The following ADAM9 variants were observed in gnomAD, a reference collection of about 807,000 sequenced individuals.
ADAM9 encodes the protein disintegrin and metalloproteinase domain-containing protein 9.
In ADAM9, 54 loss-of-function variants were observed where a neutral mutation model predicts 108.1. The observed-to-expected ratio is 0.50, with a 90% confidence interval of 0.40 to 0.63. The LOEUF (loss-of-function observed/expected upper bound fraction) is 0.63. ADAM9 is among the 20% of genes least tolerant of loss of function. The pLI, the probability that ADAM9 is intolerant of heterozygous loss-of-function variation, is 0.00. For missense variants in ADAM9, 830 were observed against 997.7 expected (o/e 0.83, Z 2.26); for synonymous variants, 316 against 336.0 (o/e 0.94, Z 0.65).
intron 11 of ADAM9, among the ~76,000 whole-genome samples, chr8:39,039,206 C>T (rs1837379392): frequency 6.6e-6 from 1 of 152,194 alleles, no homozygotes; most frequent in Non-Finnish European, 1.5e-5. Context: ...CCTGCTGCTA[C>T]TTCTGGTACC....
intron 12 of ADAM9, among the ~76,000 whole-genome samples, chr8:39,050,263 G>T (rs571778326): frequency 7.2e-5 from 11 of 152,136 alleles, no homozygotes; most frequent in African/African-American, 2.4e-4. Context: ...CTTACTTAAG[G>T]TTCTTTGGGC....
intron 11 of ADAM9, among the ~76,000 whole-genome samples, chr8:39,031,303 C>T (rs1055190115): frequency 6.6e-5 from 10 of 152,134 alleles, no homozygotes; most frequent in African/African-American, 2.4e-4. Flanking sequence ...GTAGCAGCAC[C>T]ATTTGTTGAA....
chr8:38,996,991 G>C lies in ADAM9; in HGVS notation c.-73G>C. On this transcript the variant is annotated 5_prime_UTR_variant, in exon 1 of 22. Transcript: ENST00000487273. ...CCCGGCCAGACTTGGGGCCCCGGCA[G>C]GGTTGGAAAATGATGGAAGAGGCGG... 1.3e-6 allele frequency: 2 copies of C among 1,557,132 alleles called. No individual in the cohort carries two copies. The highest frequency in any genetic ancestry group is 1.7e-6 in the Non-Finnish European group (2 of 1,156,158).
intron 15 of ADAM9, among the ~76,000 whole-genome samples, chr8:39,074,519 C>T (rs896669287): frequency 6.6e-6 from 1 of 151,946 alleles, no homozygotes; most frequent in Non-Finnish European, 1.5e-5. Context: ...CTCCTAAATT[C>T]CTCAGCATCC....
intron 12 of ADAM9, among the ~76,000 whole-genome samples, chr8:39,045,159 C>T (rs1428321616): frequency 9.6e-6 from 1 of 104,126 alleles, no homozygotes; most frequent in Non-Finnish European, 2.2e-5. Context: ...TATGTGTATA[C>T]ATACATATAT....
intron 8 of ADAM9, 87 bp downstream of exon 8, chr8:39,021,801 C>A: frequency 1.6e-6 from 2 of 1,233,304 alleles, no homozygotes; most frequent in South Asian, 1.2e-5. Context: ...ATTTTGAGTT[C>A]TGATTTTCAT....
In ADAM9 at chr8:39,042,000, A is replaced by C; in HGVS notation, c.1185A>C (p.Leu395Phe). The C allele has an allele frequency of 6.2e-7, 1 of 1,614,108 alleles. No individual in the cohort carries two copies. The highest frequency in any genetic ancestry group is 8.5e-7 in the Non-Finnish European group (1 of 1,179,942). Residue 395 changes from leucine to phenylalanine, a missense_variant, in exon 12 of 22, where the codon TTA (leucine) becomes TTC (phenylalanine). Physicochemically the swap from Leu to Phe is conservative, Grantham distance 22. Coordinates refer to ENST00000487273, the MANE Select transcript of ADAM9 (RefSeq NM_003816.3). Reference protein sequence around the residue: ...CSAEDFEKLTLNKGGNCLLNI... With the variant: ...CSAEDFEKLTFNKGGNCLLNI... ...CAGAGGACTTTGAGAAGTTAACTTT[A>C]AATAAAGGAGGAAACTGCCTTCTTA...
Position 39,054,556 on chromosome 8 carries a change from T to C in ADAM9, c.1378T>C (p.Cys460Arg). Residue 460 changes from cysteine (C) to arginine (R), a missense_variant, in exon 13 of 22, where the codon TGT becomes CGT. By Grantham distance (180) the Cys-to-Arg change is radical (BLOSUM62 -3). Coordinates refer to ENST00000487273, the MANE Select transcript of ADAM9 (RefSeq NM_003816.3). ...ATTTGCTGAGTGTGCATATGGTGAC[T>C]GTTGTAAAGACTGTCGGGTAAGGAA... ...KSFAECAYGD[C>R]CKDCRFLPGG... 1 of 1,609,392 alleles carries C rather than the reference T, an allele frequency of 6.2e-7. No homozygotes were observed. Among genetic ancestry groups the C allele is most frequent in the Non-Finnish European group, 8.5e-7 (1 of 1,178,540 alleles).
intron 14 of ADAM9, among the ~76,000 whole-genome samples, chr8:39,063,538 A>G (rs1471844444): frequency 6.6e-6 from 1 of 152,202 alleles, no homozygotes; most frequent in Non-Finnish European, 1.5e-5. Context: ...CCTGGCCAAC[A>G]TGGCGAAACC....
chr8:39,010,710 A>G (rs1049412738), intron 2 of ADAM9, among the ~76,000 whole-genome samples: 2 of 152,176 alleles, frequency 1.3e-5, no homozygotes. Flanking sequence ...GATCCCATGA[A>G]TTGGAGGATG....
intron 12 of ADAM9, among the ~76,000 whole-genome samples, chr8:39,045,040 ATGTATG>A (rs1837596626): frequency 1.6e-5 from 1 of 62,904 alleles, no homozygotes; most frequent in South Asian, 4.0e-4. Flanking sequence ...ATACATACAT[ATGTATG>A]TGTATGTGTG....
At chr8:39,079,059 A>T (rs1838938279) in intron 16 of ADAM9, among the ~76,000 whole-genome samples, 2 of 152,172 alleles carry the variant, frequency 1.3e-5, no homozygotes, top group Non-Finnish European at 1.5e-5. Context: ...AGATCAAAGG[A>T]TCATTTTTAT....
chr8:39,094,854 C>A (rs182753549), intron 20 of ADAM9, among the ~76,000 whole-genome samples: 2 of 151,862 alleles, frequency 1.3e-5, no homozygotes, highest in African/African-American at 4.8e-5. Flanking sequence ...TTCAAAAAAC[C>A]AACTCTTAGT....
chr8:39,079,595 T>A (rs4617119), intron 16 of ADAM9, among the ~76,000 whole-genome samples: 60,870 of 116,404 alleles, frequency 0.52, 12,966 homozygotes, highest in East Asian at 0.78. Flanking sequence ...ATATCATGAA[T>A]TTTTTTTTTT....
At chr8:39,070,164 A>T (rs921515657) in intron 14 of ADAM9, among the ~76,000 whole-genome samples, 8 of 151,882 alleles carry the variant, frequency 5.3e-5, no homozygotes, top group African/African-American at 1.9e-4. Flanking sequence ...AAAAAAAAAA[A>T]AAAAAAAAAG....
intron 20 of ADAM9, among the ~76,000 whole-genome samples, chr8:39,095,132 G>GTTGTTTCTTGGTACACA (rs1167347105): frequency 6.6e-6 from 1 of 152,076 alleles, no homozygotes; most frequent in Non-Finnish European, 1.5e-5. Context: ...TCAAGATATA[G>GTTGTTTCTTGGTACACA]TTGTTTCTTG....
At chr8:39,017,542 A>G (rs1170019936) in intron 6 of ADAM9, 128 bp downstream of exon 6, 1 of 878,480 alleles carries the variant, frequency 1.1e-6, no homozygotes, top group East Asian at 2.6e-5. Flanking sequence ...TATATGCCAG[A>G]CATTGTGATA....
intron 12 of ADAM9, among the ~76,000 whole-genome samples, chr8:39,049,440 A>G (rs1380560980): frequency 1.4e-5 from 2 of 147,952 alleles, no homozygotes; most frequent in African/African-American, 2.5e-5. Context: ...TATTTTTTAT[A>G]GTTTTTTTTT....
intron 11 of ADAM9, among the ~76,000 whole-genome samples, chr8:39,027,165 G>A (rs1014140161): frequency 6.6e-6 from 1 of 152,188 alleles, no homozygotes; most frequent in Non-Finnish European, 1.5e-5. Context: ...TTTATTATCT[G>A]AATTAGAAAT....
Sources: allele counts gnomAD v4.1 joint callset (sites outside exome capture counted in the v4.1 genomes callset), GRCh38; gene constraint gnomAD v4.1.1; transcripts MANE v1.5; gene names NCBI Gene and HGNC (gene_info 2026-07-23, HGNC 2026-07-21).